Variants in RSAD2 observed in about 807,000 individuals in gnomAD.
RSAD2 encodes the protein radical S-adenosyl methionine domain containing 2.
Under a neutral mutation model 37.7 loss-of-function variants are expected in RSAD2, and 38 were observed. That is an observed-to-expected ratio of 1.01 (90% CI 0.78 to 1.32). The LOEUF is 1.32. Ranked by LOEUF, RSAD2 falls within the 40% of genes most tolerant of loss-of-function variation. The probability of loss-of-function intolerance (pLI) is 0.00; values close to 1 mark genes in which losing one functional copy is unlikely to be tolerated. For synonymous variants in RSAD2, 163 were observed against 157.4 expected, an observed-to-expected ratio of 1.04 and a Z score of -0.27; for missense variants, 428 against 437.5, an observed-to-expected ratio of 0.98 and a Z score of 0.19.
In RSAD2 at chr2:6,893,704, G is replaced by T. The variant is rs1175611669; in HGVS notation, c.921+1G>T. The T allele has an allele frequency of 2.5e-6, 4 of 1,593,016 alleles. No individual in the cohort carries two copies. The highest frequency in any genetic ancestry group is 3.4e-6 in the Non-Finnish European group (4 of 1,161,490). On this transcript the variant is annotated splice_donor_variant, in intron 5 of 5. Coordinates refer to ENST00000382040, the MANE Select transcript of RSAD2 (RefSeq NM_080657.5). LOFTEE classifies it high-confidence loss of function. Reference sequence around the variant, plus strand: ...CTCCTACCTTATTCTGGATGAATATGTGAGTATTTCCAATGAGTTATAAAA... The same window carrying T: ...CTCCTACCTTATTCTGGATGAATATTTGAGTATTTCCAATGAGTTATAAAA...
At chr2:6,878,726 T>C in intron 1 of RSAD2, 1 of 619,682 alleles carries the variant, frequency 1.6e-6, no homozygotes, top group Non-Finnish European at 2.3e-6. Flanking sequence ...ACTGGCAGCG[T>C]CTTGGAGAGA....
chr2:6,878,883 T>A, intron 1 of RSAD2: 1 of 1,203,924 alleles, frequency 8.3e-7, no homozygotes, highest in African/African-American at 1.6e-5. Context: ...TTTAACTTTT[T>A]AACAAAAGCA....
rs756475721 is a variant in RSAD2, at chr2:6,878,116, AAG to A, written c.321_322del (p.Gly108IlefsTer5). 6.2e-7 allele frequency: 1 copy of A among 1,614,070 alleles called. No homozygotes were observed. The highest frequency in any genetic ancestry group is 1.1e-5 in the South Asian group (1 of 91,062). ...CTTTGTGCTGCCCCTTGAGGAAGCA[AAG>A]AGAGGATTGCTTTTGCTTAAGGAAG... Reference protein sequence around the residue: ...TSFVLPLEEAKRGLLLLKEAG... With the variant: ...TSFVLPLEEAXRGLLLLKEAG... On this transcript the variant is annotated frameshift_variant, in exon 1 of 6. Coordinates refer to ENST00000382040, the MANE Select transcript of RSAD2 (RefSeq NM_080657.5). LOFTEE classifies it high-confidence loss of function.
intron 1 of RSAD2, among the ~76,000 whole-genome samples, chr2:6,869,050 C>T (rs1050861757): frequency 1.8e-4 from 28 of 152,148 alleles, no homozygotes; most frequent in Non-Finnish European, 4.0e-4. Flanking sequence ...GATGTGCCTG[C>T]ATATCTAGCC....
intron 1 of RSAD2, among the ~76,000 whole-genome samples, chr2:6,878,552 A>G (rs781579601): frequency 1.3e-5 from 2 of 152,268 alleles, no homozygotes; most frequent in Non-Finnish European, 2.9e-5. Context: ...AATAATTAGA[A>G]AAGTTGGAAA....
Position 6,877,780 on chromosome 2 carries a change from C to T in RSAD2, c.-21C>T. ...GAGTCCCTGGCATACAGAGACTGCT[C>T]TGCTCCAGGCATCTGCCACAATGTG... On this transcript the variant is annotated 5_prime_UTR_variant, in exon 1 of 6. Coordinates refer to ENST00000382040, the MANE Select transcript of RSAD2 (RefSeq NM_080657.5). 3.1e-6 allele frequency: 5 copies of T among 1,601,314 alleles called. No homozygotes were observed. The highest frequency in any genetic ancestry group is 4.3e-6 in the Non-Finnish European group (5 of 1,171,416).
chr2:6,889,867 C>T (rs1398394283), intron 3 of RSAD2, among the ~76,000 whole-genome samples: 1 of 152,054 alleles, frequency 6.6e-6, no homozygotes, highest in Non-Finnish European at 1.5e-5. Flanking sequence ...TATTTTTATG[C>T]TCTTTTATAG....
intron 5 of RSAD2, among the ~76,000 whole-genome samples, chr2:6,894,675 G>T (rs1663702590): frequency 1.3e-5 from 2 of 152,270 alleles, no homozygotes; most frequent in African/African-American, 2.4e-5. Context: ...TTGCCATGTT[G>T]CCCATGCTGG....
intron 1 of RSAD2, among the ~76,000 whole-genome samples, chr2:6,869,672 T>C (rs1029927314): frequency 3.3e-5 from 5 of 152,136 alleles, no homozygotes; most frequent in Admixed American, 2.6e-4. Flanking sequence ...CAAAAAATAT[T>C]CAAATGGCTA....
intron 1 of RSAD2, among the ~76,000 whole-genome samples, chr2:6,867,092 A>G (rs1269627364): frequency 1.3e-5 from 2 of 151,954 alleles, no homozygotes; most frequent in African/African-American, 4.8e-5. Flanking sequence ...TCTTCTAGTT[A>G]CTCCCTTTTC....
chr2:6,887,175 A>C lies in RSAD2; in HGVS notation c.738+11A>C. 6.2e-7 allele frequency: 1 copy of C among 1,601,968 alleles called. No individual in the cohort carries two copies. Among genetic ancestry groups the C allele is most frequent in the Non-Finnish European group, 8.5e-7 (1 of 1,170,124 alleles). ...CCTGTCCGCTGGAAAGTAAGTACAC[A>C]AGGTCGCTTTTGCTGATTTCCTTCA... On this transcript the variant is annotated intron_variant, in intron 3 of 5. Coordinates refer to ENST00000382040, the MANE Select transcript of RSAD2 (RefSeq NM_080657.5).
In RSAD2 at chr2:6,877,795, G is replaced by A; in HGVS notation, c.-6G>A. 6.2e-7 allele frequency: 1 copy of A among 1,611,392 alleles called. No homozygotes were observed. Among genetic ancestry groups the A allele is most frequent in the Non-Finnish European group, 8.5e-7 (1 of 1,178,386 alleles). ...AGAGACTGCTCTGCTCCAGGCATCT[G>A]CCACAATGTGGGTGCTTACACCTGC... On this transcript the variant is annotated 5_prime_UTR_variant, in exon 1 of 6. Coordinates refer to ENST00000382040, the MANE Select transcript of RSAD2 (RefSeq NM_080657.5).
At chr2:6,884,090 C>G (rs772244766) in intron 2 of RSAD2, among the ~76,000 whole-genome samples, 1 of 152,248 alleles carries the variant, frequency 6.6e-6, no homozygotes, top group Non-Finnish European at 1.5e-5. Context: ...AAAACATTAG[C>G]TCTTCTTATA....
At chr2:6,889,663 C>T (rs768680368) in intron 3 of RSAD2, among the ~76,000 whole-genome samples, 1 of 152,136 alleles carries the variant, frequency 6.6e-6, no homozygotes, top group East Asian at 1.9e-4. Flanking sequence ...ATACACTGTC[C>T]ACACTCTTAC....
intron 2 of RSAD2, among the ~76,000 whole-genome samples, chr2:6,884,848 A>T (rs1663484291): frequency 6.6e-6 from 1 of 152,208 alleles, no homozygotes; most frequent in South Asian, 2.1e-4. Flanking sequence ...CAAATTATTA[A>T]ACATAGATCA....
At chr2:6,874,965 G>T (rs1412400653), upstream of RSAD2, among the ~76,000 whole-genome samples, 1 of 152,176 alleles carries the variant, frequency 6.6e-6, no homozygotes, top group African/African-American at 2.4e-5. Context: ...CACATGCCTG[G>T]CTTCAAGAGT....
In RSAD2 at chr2:6,896,951, A is replaced by T. The variant is rs139384046; in HGVS notation, c.*1009A>T. The T allele has an allele frequency of 6.6e-6, 1 of 152,392 alleles. No homozygotes were observed. The highest frequency in any genetic ancestry group is 1.5e-5 in the Non-Finnish European group (1 of 68,060). The allele number at this position is 152,392 out of a possible 1,614,324, so 9.4% of individuals were successfully genotyped here. A position where few individuals can be genotyped will look rare whatever the true frequency, so the allele number is the denominator to read the frequency against. On this transcript the variant is annotated 3_prime_UTR_variant, in exon 6 of 6. Coordinates refer to ENST00000382040, the MANE Select transcript of RSAD2 (RefSeq NM_080657.5). ...AGAAGTGACGGCACACTGGGTTGGC[A>T]TAAGATATCCTAAAATCACGCTGGA...
In RSAD2 at chr2:6,872,127, A is replaced by G. The variant is rs374899878; in HGVS notation, c.142+6082A>G. On this transcript the variant is annotated intron_variant, in intron 1 of 5. Transcript: ENST00000442639. ...GTTATGTTTTGTAATATGTTTACTT[A>G]GGAGGGCTTCTCCAAATCTTTTTAG... Among the ~76,000 whole-genome samples, 80 of 152,290 alleles carry G rather than the reference A, an allele frequency of 5.3e-4. 2 individuals carry two copies. In the South Asian group the frequency reaches 0.016, roughly 31 times the overall value.
At chr2:6,868,651 C>T (rs1403180597) in intron 1 of RSAD2, among the ~76,000 whole-genome samples, 1 of 152,208 alleles carries the variant, frequency 6.6e-6, no homozygotes, top group Non-Finnish European at 1.5e-5. Flanking sequence ...CCTTCTGTTT[C>T]TTTTTTAAAT....
Sources: gnomAD v4.1 joint callset for allele counts (sites outside exome capture counted in the v4.1 genomes callset) on GRCh38, gnomAD v4.1.1 for gene constraint, MANE v1.5 for transcripts, NCBI Gene and HGNC (gene_info 2026-07-23, HGNC 2026-07-21) for gene names.